Variants in NSUN6 observed in about 807,000 individuals in gnomAD.
NSUN6 encodes NOP2/Sun RNA methyltransferase 6.
NSUN6 carries 64 observed loss-of-function variants against 58.0 expected under a neutral mutation model. The observed-to-expected ratio is 1.10, with a 90% CI of 0.90 to 1.36. NSUN6 has a LOEUF of 1.36. Ranked by LOEUF, NSUN6 falls within the 40% of genes most tolerant of loss-of-function variation. The pLI, the probability that NSUN6 is intolerant of heterozygous loss-of-function variation, is 0.00. For synonymous variants in NSUN6, 231 were observed against 193.9 expected (o/e 1.19, Z -1.59); for missense variants, 701 against 550.1 (o/e 1.27, Z -2.74).
chr10:18,657,175 C>T (rs1000301733), upstream of NSUN6, among the ~76,000 whole-genome samples: 14 of 152,246 alleles, frequency 9.2e-5, no homozygotes, highest in African/African-American at 3.4e-4. Flanking sequence ...GGTACATCAG[C>T]ATGATATCTG....
At chr10:18,628,536 T>A (rs1393622986) in intron 3 of NSUN6, among the ~76,000 whole-genome samples, 3 of 151,976 alleles carry the variant, frequency 2.0e-5, no homozygotes, top group African/African-American at 7.3e-5. Context: ...ATAACTAGAA[T>A]AACCAATACA....
At chr10:18,655,163 G>A (rs185158840), upstream of NSUN6, 8 of 981,658 alleles carry the variant, frequency 8.1e-6, no homozygotes, top group Admixed American at 6.2e-5. Context: ...TATCTTGCTC[G>A]TATCCTTCCC....
intron 10 of NSUN6, among the ~76,000 whole-genome samples, 196 bp from the exon 11 acceptor site, chr10:18,546,341 G>A (rs778643783): frequency 3.9e-5 from 6 of 152,126 alleles, no homozygotes; most frequent in African/African-American, 7.2e-5. Context: ...AATACTATGC[G>A]TCACCTGATG....
At chr10:18,652,685 G>A (rs12780652), upstream of NSUN6, 100,891 of 572,514 alleles carry the variant, frequency 0.18, 9,388 homozygotes, top group South Asian at 0.31. Flanking sequence ...TTGGCCTCCC[G>A]AGTAGCTAAA....
chr10:18,569,161 C>A (rs1295007924), intron 8 of NSUN6, among the ~76,000 whole-genome samples: 1 of 151,070 alleles, frequency 6.6e-6, no homozygotes, highest in Non-Finnish European at 1.5e-5. Context: ...ATTCTCCATT[C>A]CATTCTCTAT....
chr10:18,575,235 T>A (rs902567314), intron 8 of NSUN6, among the ~76,000 whole-genome samples: 1 of 152,178 alleles, frequency 6.6e-6, no homozygotes, highest in Non-Finnish European at 1.5e-5. Flanking sequence ...AAACAGGTTA[T>A]AAATAGTTGC....
At chr10:18,642,579 A>G in intron 2 of NSUN6, 24 bp from the exon 3 acceptor site, 5 of 1,136,282 alleles carry the variant, frequency 4.4e-6, no homozygotes, top group South Asian at 2.5e-5. Flanking sequence ...ACATGATTAT[A>G]AAGTAATCCA....
chr10:18,547,257 C>T (rs1357431591), intron 10 of NSUN6, among the ~76,000 whole-genome samples: 2 of 152,214 alleles, frequency 1.3e-5, no homozygotes, highest in Non-Finnish European at 2.9e-5. Flanking sequence ...CAGACATATA[C>T]TTAAGAAAAC....
chr10:18,570,177 T>C (rs1260238864), intron 8 of NSUN6, among the ~76,000 whole-genome samples: 1 of 151,104 alleles, frequency 6.6e-6, no homozygotes, highest in Non-Finnish European at 1.5e-5. Context: ...CACTCCATTC[T>C]CCATTCTATT....
At chr10:18,617,975 T>C (rs544546357) in intron 3 of NSUN6, among the ~76,000 whole-genome samples, 1 of 152,326 alleles carries the variant, frequency 6.6e-6, no homozygotes, top group East Asian at 1.9e-4. Context: ...AAAACAAATT[T>C]ATGTTCTTTA....
At position 18,590,307 on chromosome 10, in the gene NSUN6, A is replaced by G. The variant is rs1589978626; in HGVS notation, c.778-4214T>C. Reference sequence around the variant, plus strand: ...AGACTTAAGACTCCCACACAATAATAGTGGGAGACTTTAACACCCTACTGT... The same window carrying G: ...AGACTTAAGACTCCCACACAATAATGGTGGGAGACTTTAACACCCTACTGT... On this transcript the variant is annotated intron_variant, in intron 7 of 10. Coordinates refer to ENST00000377304, the MANE Select transcript of NSUN6 (RefSeq NM_182543.5). Among the ~76,000 whole-genome samples, 4 of 151,842 alleles carry G rather than the reference A, an allele frequency of 2.6e-5. No individual in the cohort carries two copies. In the South Asian group the frequency reaches 8.3e-4, roughly 31 times the overall value.
chr10:18,603,551 A>G (rs1590033162), intron 6 of NSUN6, among the ~76,000 whole-genome samples: 1 of 149,822 alleles, frequency 6.7e-6, no homozygotes, highest in African/African-American at 2.5e-5. Flanking sequence ...GCTCACTTCA[A>G]CCTCCGCCTC....
intron 8 of NSUN6, among the ~76,000 whole-genome samples, chr10:18,583,476 G>C (rs1467940929): frequency 2.0e-5 from 3 of 152,130 alleles, no homozygotes; most frequent in South Asian, 4.2e-4. Flanking sequence ...GATATGCAAA[G>C]AAAAAGGAAA....
chr10:18,651,462 C>T lies in NSUN6; in HGVS notation c.-259G>A. Reference sequence around the variant, plus strand: ...AGAGATGCTCATGGAAATCACTGAGCCAATGCCACTCACGTTGCAAAGAAC... The same window carrying T: ...AGAGATGCTCATGGAAATCACTGAGTCAATGCCACTCACGTTGCAAAGAAC... On this transcript the variant is annotated 5_prime_UTR_variant, in exon 1 of 11. Transcript: ENST00000377304. The T allele has an allele frequency of 1.7e-6, 2 of 1,176,970 alleles. No homozygotes were observed. Among genetic ancestry groups the T allele is most frequent in the Non-Finnish European group, 2.1e-6 (2 of 952,792 alleles). 72.9% of individuals were successfully genotyped at this position (1,176,970 alleles called of 1,614,324 possible).
At chr10:18,553,913 A>C (rs1428447413) in intron 8 of NSUN6, among the ~76,000 whole-genome samples, 1 of 151,580 alleles carries the variant, frequency 6.6e-6, no homozygotes, top group African/African-American at 2.4e-5. Flanking sequence ...AATGGAATGG[A>C]ATGGAATGGA....
At chr10:18,577,886 C>T (rs2056730737) in intron 8 of NSUN6, among the ~76,000 whole-genome samples, 2 of 152,172 alleles carry the variant, frequency 1.3e-5, no homozygotes, top group Non-Finnish European at 2.9e-5. Context: ...TTAGTTTAGC[C>T]TGTGTGGTCT....
rs983575106 is a variant in NSUN6 at position 18,646,386 on chromosome 10, T to C, written c.231+2104A>G. On this transcript the variant is annotated intron_variant, in intron 2 of 10. Coordinates refer to ENST00000377304, the MANE Select transcript of NSUN6 (RefSeq NM_182543.5). Reference sequence around the variant, plus strand: ...ACTAGAATCGGGTACTGCTTTACCATTGGTTTCCTATCTAGTGACTCTGAC... The same window carrying C: ...ACTAGAATCGGGTACTGCTTTACCACTGGTTTCCTATCTAGTGACTCTGAC... Among the ~76,000 whole-genome samples, 7 of 152,248 alleles carry C rather than the reference T, an allele frequency of 4.6e-5. No homozygotes were observed. The South Asian group carries it at 8.3e-4, about 18-fold the overall frequency.
At chr10:18,563,938 TCACTC>T (rs986575095) in intron 8 of NSUN6, among the ~76,000 whole-genome samples, 1 of 148,252 alleles carries the variant, frequency 6.7e-6, no homozygotes, top group Non-Finnish European at 1.5e-5. Flanking sequence ...ACGTCATTCT[TCACTC>T]CATTCCATTC....
intron 3 of NSUN6, among the ~76,000 whole-genome samples, chr10:18,621,802 A>G (rs2058615795): frequency 6.6e-6 from 1 of 152,196 alleles, no homozygotes; most frequent in African/African-American, 2.4e-5. Context: ...ATGTATTTTT[A>G]TCTATTTGGT....
Sources: gnomAD v4.1 joint callset for allele counts (sites outside exome capture counted in the v4.1 genomes callset) on GRCh38, gnomAD v4.1.1 for gene constraint, MANE v1.5 for transcripts, NCBI Gene and HGNC (gene_info 2026-07-23, HGNC 2026-07-21) for gene names.